TMEM132D: variants seen among roughly 807,000 people sequenced by gnomAD.
The protein encoded by TMEM132D is mature OL transmembrane protein.
A neutral mutation model predicts 62.3 loss-of-function variants in TMEM132D; 21 were observed. The ratio of observed to expected loss-of-function variants is 0.34; its 90% CI spans 0.24 to 0.49. The LOEUF (loss-of-function observed/expected upper bound fraction) is 0.49. Ranked by LOEUF, TMEM132D falls within the 20% of genes least tolerant of loss-of-function variation. The pLI, the probability that TMEM132D is intolerant of heterozygous loss-of-function variation, is 0.99. For synonymous variants in TMEM132D, 621 were observed against 575.6 expected (o/e 1.08, Z -1.13); for missense variants, 1,346 against 1,402.8 (o/e 0.96, Z 0.65).
chr12:129,499,176 A>C (rs1875050453), intron 3 of TMEM132D, among the ~76,000 whole-genome samples: 1 of 152,226 alleles, frequency 6.6e-6, no homozygotes, highest in Non-Finnish European at 1.5e-5. Context: ...ACTGAAAAAC[A>C]AAAAACATAT....
chr12:129,504,367 T>C (rs746681453), intron 3 of TMEM132D, among the ~76,000 whole-genome samples: 7 of 152,216 alleles, frequency 4.6e-5, no homozygotes, highest in Admixed American at 1.3e-4. Context: ...TGTAAATCCA[T>C]CTGGTCCTGA....
chr12:129,794,958 C>T (rs952753127), intron 1 of TMEM132D, among the ~76,000 whole-genome samples: 6 of 152,200 alleles, frequency 3.9e-5, no homozygotes, highest in Admixed American at 6.5e-5. Flanking sequence ...AGTAGGCAGG[C>T]GGAGGGAACG....
chr12:129,305,868 T>C (rs1881835984), intron 4 of TMEM132D, among the ~76,000 whole-genome samples: 1 of 152,196 alleles, frequency 6.6e-6, no homozygotes, highest in African/African-American at 2.4e-5. Context: ...TATAAATAAA[T>C]ATTAATTTGG....
At chr12:129,692,054 A>G (rs779081488) in intron 2 of TMEM132D, among the ~76,000 whole-genome samples, 1 of 151,928 alleles carries the variant, frequency 6.6e-6, no homozygotes, top group Admixed American at 6.6e-5. Flanking sequence ...ATTTCTACAC[A>G]CTCTCTCCGA....
At chr12:129,400,169 C>A (rs1169123951) in intron 3 of TMEM132D, among the ~76,000 whole-genome samples, 1 of 151,566 alleles carries the variant, frequency 6.6e-6, no homozygotes. Flanking sequence ...TAAGTGAGGC[C>A]CCAAATTCAG....
intron 1 of TMEM132D, among the ~76,000 whole-genome samples, chr12:129,755,925 G>A (rs896514): frequency 0.56 from 85,081 of 152,046 alleles, 24,455 homozygotes; most frequent in Middle Eastern, 0.69. Flanking sequence ...GTGTAGTTGA[G>A]CTCACATAGA....
At chr12:129,360,688 T>A (rs984630938) in intron 3 of TMEM132D, among the ~76,000 whole-genome samples, 4 of 152,148 alleles carry the variant, frequency 2.6e-5, no homozygotes, top group African/African-American at 9.7e-5. Context: ...GGGAATGCTC[T>A]CTAGATCAGT....
intron 2 of TMEM132D, among the ~76,000 whole-genome samples, chr12:129,560,373 G>A (rs898460228): frequency 4.6e-5 from 7 of 150,582 alleles, no homozygotes; most frequent in Admixed American, 2.7e-4. Flanking sequence ...AGGCTCAAGC[G>A]CTCCTGCCTC....
rs1162975644 is a variant in TMEM132D at position 129,088,485 on chromosome 12, G to A, written c.1444-3783C>T. ...CATGACCGGGGTGTCCTCCATGACC[G>A]GGTGTCCTCCATGACCGGGATGTCC... On this transcript the variant is annotated intron_variant, in intron 5 of 8. Transcript: ENST00000422113. Among the ~76,000 whole-genome samples the A allele has an allele frequency of 5.0e-4, 21 of 42,024 alleles. 5 individuals carry two copies. The highest frequency in any genetic ancestry group is 4.8e-4 in the Non-Finnish European group (12 of 24,946). The allele number at this position is 42,024 out of a possible 152,430, so 27.6% of individuals were successfully genotyped here. A position where few individuals can be genotyped will look rare whatever the true frequency, so the allele number is the denominator to read the frequency against.
chr12:129,557,598 C>G (rs757485589), intron 2 of TMEM132D, among the ~76,000 whole-genome samples: 10 of 152,126 alleles, frequency 6.6e-5, no homozygotes, highest in Non-Finnish European at 1.5e-4. Flanking sequence ...TGCTTGTAGT[C>G]CCAGCTACTT....
Position 129,074,291 on chromosome 12 carries a change from G to T in TMEM132D, c.2884C>A (p.His962Asn). 1 of 1,614,118 alleles carries T rather than the reference G, an allele frequency of 6.2e-7. No homozygotes were observed. The highest frequency in any genetic ancestry group is 8.5e-7 in the Non-Finnish European group (1 of 1,180,034). ...CGGTTGCTTAACCCAACCCAGTCAT[G>T]AGAGTGACTCATCCCTTCCTGCTCC... ...FEEQEGMSHS[H>N]DWVGLSNRTE... The change falls in exon 9 of 9, where the codon CAT (histidine) becomes AAT (asparagine). Residue 962 changes from histidine (H) to asparagine (N), a missense_variant. Physicochemically the swap from His to Asn is moderately conservative, Grantham distance 68. Coordinates refer to ENST00000422113, the MANE Select transcript of TMEM132D (RefSeq NM_133448.3).
chr12:129,457,945 C>G (rs889429888), intron 3 of TMEM132D, among the ~76,000 whole-genome samples: 15 of 152,160 alleles, frequency 9.9e-5, no homozygotes, highest in Admixed American at 4.6e-4. Flanking sequence ...CATGGATTCC[C>G]CACTTCCTCC....
intron 3 of TMEM132D, among the ~76,000 whole-genome samples, chr12:129,518,003 T>C (rs76784668): frequency 4.6e-5 from 7 of 152,150 alleles, no homozygotes; most frequent in Non-Finnish European, 1.0e-4. Context: ...GGCAAAAAGA[T>C]AGTCACTTAA....
intron 4 of TMEM132D, among the ~76,000 whole-genome samples, chr12:129,211,568 T>C (rs1879048407): frequency 6.6e-6 from 1 of 152,228 alleles, no homozygotes; most frequent in African/African-American, 2.4e-5. Flanking sequence ...TAACTATTTC[T>C]TAGATAAGAT....
Position 129,081,996 on chromosome 12 carries a change from CTCA to C in TMEM132D, c.1683_1685del (p.Asp561del), listed in dbSNP as rs766934326. ...GCAGGGTGCAGCCGCGGCCCCTCCG[CTCA>C]TCATCCTCCTCCTCTTCACTGTCCC... On this transcript the variant is annotated inframe_deletion, in exon 7 of 9. Transcript: ENST00000422113. 1.2e-6 allele frequency: 2 copies of C among 1,612,132 alleles called. No individual in the cohort carries two copies. The highest frequency in any genetic ancestry group is 4.5e-5 in the East Asian group (2 of 44,816).
At chr12:129,718,958 G>T (rs10847927) in intron 1 of TMEM132D, among the ~76,000 whole-genome samples, 45,531 of 151,810 alleles carry the variant, frequency 0.3, 6,956 homozygotes, top group Admixed American at 0.36. Flanking sequence ...ACCCATGGGC[G>T]GGGTATGGTG....
At chr12:129,346,868 A>G (rs1869701412) in intron 3 of TMEM132D, among the ~76,000 whole-genome samples, 1 of 152,226 alleles carries the variant, frequency 6.6e-6, no homozygotes, top group African/African-American at 2.4e-5. Flanking sequence ...GTCTTAGGAT[A>G]TAAAATCAAT....
chr12:129,476,711 G>C (rs560148645), intron 3 of TMEM132D, among the ~76,000 whole-genome samples: 1 of 152,292 alleles, frequency 6.6e-6, no homozygotes, highest in Non-Finnish European at 1.5e-5. Flanking sequence ...TGTGGTGGGG[G>C]CTGGAGTGCA....
chr12:129,213,822 A>G (rs556439219), intron 4 of TMEM132D, among the ~76,000 whole-genome samples: 1 of 152,216 alleles, frequency 6.6e-6, no homozygotes, highest in South Asian at 2.1e-4. Flanking sequence ...CCATGGCCCT[A>G]CCTCCAACCC....
Sources: allele counts gnomAD v4.1 joint callset (sites outside exome capture counted in the v4.1 genomes callset), GRCh38; gene constraint gnomAD v4.1.1; transcripts MANE v1.5; gene names NCBI Gene and HGNC (gene_info 2026-07-23, HGNC 2026-07-21).